Variants in PCM1 observed in about 807,000 individuals in gnomAD.
The protein encoded by PCM1 is pericentriolar material 1.
Under a neutral mutation model 241.9 loss-of-function variants are expected in PCM1, and 157 were observed. The observed-to-expected ratio is 0.65, with a 90% confidence interval of 0.57 to 0.74. PCM1 has a LOEUF of 0.74. Among genes scored for constraint, PCM1 ranks in the 30% least tolerant of loss-of-function variants. PCM1 has a pLI of 0.00. For synonymous variants in PCM1, 1,085 were observed against 784.9 expected, an observed-to-expected ratio of 1.38 and a Z score of -6.39; for missense variants, 3,478 against 2,360.1, an observed-to-expected ratio of 1.47 and a Z score of -9.81.
chr8:17,938,956 T>G lies in PCM1; in HGVS notation c.559T>G (p.Cys187Gly), dbSNP rs762412580. Residue 187 changes from cysteine (C) to glycine (G), a missense_variant, in exon 5 of 39, where the codon TGT (cysteine) becomes GGT (glycine). Coordinates refer to ENST00000325083, the MANE Select transcript of PCM1 (RefSeq NM_006197.4). ...SALSNDLLQN[C>G]QVSEEDGRGE... ...TTTAAGTAATGACCTCTTGCAAAAC[T>G]GTCAGGTGTCTGAAGAAGATGGGAG... The G allele has an allele frequency of 6.2e-7, 1 of 1,613,654 alleles. No individual in the cohort carries two copies. Among genetic ancestry groups the G allele is most frequent in the Non-Finnish European group, 8.5e-7 (1 of 1,179,690 alleles).
chr8:17,949,344 C>A (rs117776347), intron 7 of PCM1, among the ~76,000 whole-genome samples: 1 of 151,952 alleles, frequency 6.6e-6, no homozygotes, highest in Non-Finnish European at 1.5e-5. Flanking sequence ...TAACAAGTTA[C>A]ATATAATTAC....
At position 17,947,117 on chromosome 8, in the gene PCM1, C is replaced by T. The variant is rs796166118; in HGVS notation, c.784-69C>T. ...TTTGTTATCAATGTGTATACTTTGCCATTGATAATTGAAACCGCAACATGG... is the reference window on the plus strand; with the variant it reads ...TTTGTTATCAATGTGTATACTTTGCTATTGATAATTGAAACCGCAACATGG... On this transcript the variant is annotated intron_variant, in intron 6 of 38. Transcript: ENST00000325083. 2.1e-5 allele frequency: 19 copies of T among 898,378 alleles called. No homozygotes were observed. In the African/African-American group the frequency reaches 2.5e-4, roughly 12 times the overall value. 55.7% of individuals were successfully genotyped at this position (898,378 alleles called of 1,614,324 possible). A position where few individuals can be genotyped will look rare whatever the true frequency, so the allele number is the denominator to read the frequency against.
chr8:17,964,851 C>T, intron 18 of PCM1, 83 bp downstream of exon 18: 2 of 972,778 alleles, frequency 2.1e-6, no homozygotes, highest in South Asian at 1.4e-5. Flanking sequence ...TGCAGTTCTC[C>T]AAGCCAACTG....
At chr8:17,979,899 C>G (rs1280110762) in intron 23 of PCM1, among the ~76,000 whole-genome samples, 1 of 152,068 alleles carries the variant, frequency 6.6e-6, no homozygotes, top group Non-Finnish European at 1.5e-5. Flanking sequence ...TCCTGTATAA[C>G]TTGTGTTTCT....
intron 34 of PCM1, among the ~76,000 whole-genome samples, chr8:18,012,977 G>A (rs143126815): frequency 6.6e-6 from 1 of 152,130 alleles, no homozygotes; most frequent in East Asian, 1.9e-4. Context: ...GCTGAACCTT[G>A]GTTCTTTATA....
At chr8:17,944,337 A>G (rs868866425) in intron 6 of PCM1, among the ~76,000 whole-genome samples, 12 of 152,274 alleles carry the variant, frequency 7.9e-5, no homozygotes, top group Middle Eastern at 3.4e-3. Context: ...ATAAGTCACA[A>G]CTTTATCTTC....
intron 29 of PCM1, among the ~76,000 whole-genome samples, chr8:17,999,365 G>A (rs2088316636): frequency 6.6e-6 from 1 of 152,062 alleles, no homozygotes; most frequent in Non-Finnish European, 1.5e-5. Context: ...AGCAGGTTAA[G>A]ATTAAGCCAA....
chr8:18,010,563 T>A (rs980070163), intron 31 of PCM1, 46 bp from the exon 32 acceptor site: 1 of 1,377,074 alleles, frequency 7.3e-7, no homozygotes, highest in African/African-American at 1.4e-5. Context: ...CTAAATTATG[T>A]ATCTAAGTAT....
At chr8:17,994,314 T>C (rs748237911) in intron 29 of PCM1, among the ~76,000 whole-genome samples, 30 of 152,210 alleles carry the variant, frequency 2.0e-4, no homozygotes, top group Non-Finnish European at 1.2e-4. Flanking sequence ...CTAACTTCAC[T>C]TAACATAATG....
At chr8:17,988,082 TG>T (rs2083218531) in intron 26 of PCM1, among the ~76,000 whole-genome samples, 1 of 151,594 alleles carries the variant, frequency 6.6e-6, no homozygotes. Context: ...GAGGATGGAG[TG>T]GAGACACTGA....
intron 1 of PCM1, 131 bp from the exon 2 acceptor site, chr8:17,924,582 A>G (rs543513866): frequency 6.6e-6 from 1 of 152,364 alleles, no homozygotes; most frequent in South Asian, 2.1e-4. Context: ...TTAAAATATG[A>G]ATAAGTTATA....
At chr8:18,019,715 G>T (rs570256166) in intron 36 of PCM1, among the ~76,000 whole-genome samples, 70 of 152,336 alleles carry the variant, frequency 4.6e-4, no homozygotes, top group African/African-American at 1.6e-3. Context: ...GAATGTGAGT[G>T]ATGGGAGTAG....
rs1487854748 is a variant in PCM1 at position 17,969,718 on chromosome 8, G to A, written c.3554G>A (p.Ser1185Asn). Residue 1185 changes from serine to asparagine, a missense_variant, in exon 22 of 39, where the codon AGC becomes AAC. Transcript: ENST00000325083. ...EYMAFPKPFE[S>N]SSSIGAEKPR... ...ATGGCTTTTCCAAAACCTTTTGAAAGCAGTTCCTCTATTGGAGCAGAGAAA... is the reference window on the plus strand; with the variant it reads ...ATGGCTTTTCCAAAACCTTTTGAAAACAGTTCCTCTATTGGAGCAGAGAAA... The A allele has an allele frequency of 6.2e-7, 1 of 1,608,074 alleles. No individual in the cohort carries two copies. Among genetic ancestry groups the A allele is most frequent in the African/African-American group, 1.4e-5 (1 of 72,762 alleles).
intron 21 of PCM1, among the ~76,000 whole-genome samples, chr8:17,969,063 G>C (rs539609515): frequency 6.6e-6 from 1 of 151,780 alleles, no homozygotes; most frequent in East Asian, 1.9e-4. Context: ...AAATAGCTCT[G>C]ATACATAACA....
intron 22 of PCM1, among the ~76,000 whole-genome samples, chr8:17,970,451 G>A (rs758662921): frequency 1.4e-5 from 2 of 145,358 alleles, no homozygotes; most frequent in African/African-American, 5.1e-5. Context: ...TTTTTTACTC[G>A]ATTAACCAAT....
At position 18,028,990 on chromosome 8, in the gene PCM1, A is replaced by T. The variant is rs980776369; in HGVS notation, c.*1328A>T. 1 of 177,210 alleles carries T rather than the reference A, an allele frequency of 5.6e-6. No individual in the cohort carries two copies. The highest frequency in any genetic ancestry group is 2.4e-5 in the African/African-American group (1 of 42,272). The allele number at this position is 177,210 out of a possible 1,614,324, so 11.0% of individuals were successfully genotyped here. On this transcript the variant is annotated 3_prime_UTR_variant, in exon 39 of 39. Transcript: ENST00000325083. ...CATGGGGGAAACCCCGTCTCTACTA[A>T]AAATAAAAAAATTAGCTGGGAGAGG... is the stretch of plus-strand genomic sequence containing the variant.
At chr8:17,964,171 A>C (rs1451899351) in intron 17 of PCM1, among the ~76,000 whole-genome samples, 5 of 152,182 alleles carry the variant, frequency 3.3e-5, no homozygotes, top group African/African-American at 9.7e-5. Context: ...GCTGCATTTT[A>C]AGTGCTCAGT....
At chr8:18,025,315 T>A in intron 36 of PCM1, 46 bp from the exon 37 acceptor site, 1 of 985,628 alleles carries the variant, frequency 1.0e-6, no homozygotes, top group Non-Finnish European at 1.6e-6. Context: ...CATGGATGAC[T>A]GGTTTGGATC....
In PCM1 at chr8:18,023,271, G is replaced by A. The variant is rs1342590805; in HGVS notation, c.5842-2090G>A. Among the ~76,000 whole-genome samples, 5 of 152,234 alleles carry A rather than the reference G, an allele frequency of 3.3e-5. No individual in the cohort carries two copies. In the East Asian group the frequency reaches 9.6e-4, roughly 29 times the overall value. On this transcript the variant is annotated intron_variant, in intron 36 of 38. Transcript: ENST00000325083. ...ATGGTTGTGAAATTCTTAATCTGGGGTTGTTTGTACATGAAGTGATCCCTT... is the reference window on the plus strand; with the variant it reads ...ATGGTTGTGAAATTCTTAATCTGGGATTGTTTGTACATGAAGTGATCCCTT...
Sources: allele counts gnomAD v4.1 joint callset (sites outside exome capture counted in the v4.1 genomes callset), GRCh38; gene constraint gnomAD v4.1.1; transcripts MANE v1.5; gene names NCBI Gene and HGNC (gene_info 2026-07-23, HGNC 2026-07-21).